Variants in PLA2G4E observed in about 807,000 individuals in gnomAD.
PLA2G4E encodes the protein cytosolic phospholipase A2 epsilon.
A neutral mutation model predicts 109.1 loss-of-function variants in PLA2G4E; 84 were observed. The observed-to-expected ratio is 0.77, with a 90% CI of 0.65 to 0.92. The LOEUF is 0.92. PLA2G4E is among the 40% of genes least tolerant of loss of function. PLA2G4E has a pLI of 0.00. For synonymous variants in PLA2G4E, 469 were observed against 436.1 expected, an observed-to-expected ratio of 1.08 and a Z score of -0.94; for missense variants, 1,057 against 1,076.6, an observed-to-expected ratio of 0.98 and a Z score of 0.25.
At chr15:42,000,482 TGCAGAC>T (rs1435921812) in intron 7 of PLA2G4E, among the ~76,000 whole-genome samples, 200 bp from the exon 8 acceptor site, 1 of 152,212 alleles carries the variant, frequency 6.6e-6, no homozygotes, top group Non-Finnish European at 1.5e-5. Context: ...TTTATGAGGA[TGCAGAC>T]AAACATAGTC....
chr15:42,042,664 C>G (rs1467599020), intron 1 of PLA2G4E, among the ~76,000 whole-genome samples: 2 of 152,070 alleles, frequency 1.3e-5, no homozygotes, highest in Admixed American at 6.5e-5. Flanking sequence ...GAGGTGGGGT[C>G]AGGCAAACCC....
In PLA2G4E at chr15:42,001,237, A is replaced by C. The variant is rs1426622461; in HGVS notation, c.610-17T>G. The C allele has an allele frequency of 6.2e-7, 1 of 1,605,402 alleles. No homozygotes were observed. The highest frequency in any genetic ancestry group is 1.7e-5 in the Admixed American group (1 of 59,988). ...TTGTCGAGACTGTAAAAAACAAAGG[A>C]GGGTCACAGAGTGTCTGAGCACCAG... On this transcript the variant is annotated splice_polypyrimidine_tract_variant and intron_variant, in intron 6 of 19. Coordinates refer to ENST00000399518, the Ensembl canonical transcript of PLA2G4E.
chr15:42,026,497 C>T (rs2068694014), intron 1 of PLA2G4E, among the ~76,000 whole-genome samples: 2 of 152,092 alleles, frequency 1.3e-5, no homozygotes, highest in South Asian at 2.1e-4. Context: ...GATTTTACTA[C>T]AGCTACTAAA....
At chr15:41,983,787 C>T in exon 20 of PLA2G4E, 2 of 1,603,838 alleles carry the variant, frequency 1.2e-6, no homozygotes, top group Non-Finnish European at 1.7e-6. Flanking sequence ...GGCGCTTCTT[C>T]TTCTCCACTG....
Position 41,993,948 on chromosome 15 carries a change from G to A in PLA2G4E, c.1248-989C>T, listed in dbSNP as rs149671454. Among the ~76,000 whole-genome samples the A allele has an allele frequency of 1.6e-4, 22 of 135,140 alleles. No homozygotes were observed. The East Asian group carries it at 5.4e-3, about 33-fold the overall frequency. 88.7% of individuals were successfully genotyped at this position (135,140 alleles called of 152,430 possible). A position where few individuals can be genotyped will look rare whatever the true frequency, so the allele number is the denominator to read the frequency against. ...CAGGGGACCCCACCCATCCCACCCC[G>A]GCTGGGCCTGAGTTCCTCCTGCTAT... On this transcript the variant is annotated intron_variant, in intron 12 of 19. Transcript: ENST00000399518.
rs548340553 is a variant in PLA2G4E, at chr15:41,997,568, C to T, written c.975-309G>A. ...GGACGCTTTGAGTCCTCTGTCTCCT[C>T]GGCCAGATCTGGAAAGTCCAGAAAG... is the stretch of plus-strand genomic sequence containing the variant. On this transcript the variant is annotated intron_variant, in intron 10 of 19. Transcript: ENST00000399518. 4.1e-5 allele frequency: 8 copies of T among 193,568 alleles called. No individual in the cohort carries two copies. In the South Asian group the frequency reaches 9.3e-4, roughly 22 times the overall value. The allele number at this position is 193,568 out of a possible 1,614,324, so 12.0% of individuals were successfully genotyped here.
At chr15:41,995,977 A>G (rs2068332734) in intron 11 of PLA2G4E, among the ~76,000 whole-genome samples, 1 of 152,188 alleles carries the variant, frequency 6.6e-6, no homozygotes, top group African/African-American at 2.4e-5. Flanking sequence ...CCAAGAGTCA[A>G]TGGACTGGTG....
At chr15:41,995,107 A>G (rs1316730320) in intron 12 of PLA2G4E, among the ~76,000 whole-genome samples, 1 of 152,272 alleles carries the variant, frequency 6.6e-6, no homozygotes, top group Non-Finnish European at 1.5e-5. Context: ...TGGCATACTT[A>G]GTAGCGGGAG....
chr15:42,025,216 G>A (rs1411577135), intron 1 of PLA2G4E, among the ~76,000 whole-genome samples: 3 of 148,114 alleles, frequency 2.0e-5, no homozygotes, highest in Non-Finnish European at 4.5e-5. Context: ...AAAAAAAAAA[G>A]GAAAAGAAAA....
At chr15:42,003,767 A>G (rs1056721584) in intron 5 of PLA2G4E, among the ~76,000 whole-genome samples, 10 of 152,230 alleles carry the variant, frequency 6.6e-5, no homozygotes, top group African/African-American at 2.4e-4. Context: ...CATCACAAGC[A>G]TAGGGGGCTC....
chr15:41,989,554 T>C lies in PLA2G4E; in HGVS notation c.1586-2A>G. On this transcript the variant is annotated splice_acceptor_variant, in intron 14 of 19. Transcript: ENST00000399518. LOFTEE classifies it high-confidence loss of function. The stretch of plus-strand genomic sequence containing the variant: ...CGTAGGGGGAGAACTCGAACCACTC[T>C]GCACATGAAGCAGCAGGACGGGGGT... The C allele has an allele frequency of 3.7e-6, 6 of 1,612,670 alleles. No individual in the cohort carries two copies. The African/African-American group carries it at 4.0e-5, about 11-fold the overall frequency.
At chr15:42,044,252 G>A (rs7175879) in intron 1 of PLA2G4E, among the ~76,000 whole-genome samples, 13,269 of 152,160 alleles carry the variant, frequency 0.087, 603 homozygotes, top group South Asian at 0.13. Context: ...GATTTGGGGA[G>A]ACGTCAGGGA....
intron 1 of PLA2G4E, among the ~76,000 whole-genome samples, chr15:42,018,769 C>T (rs1415149612): frequency 1.3e-5 from 2 of 152,128 alleles, no homozygotes; most frequent in Admixed American, 6.5e-5. Context: ...GACTCCACTG[C>T]CCCCTGGGGA....
exon 18 of PLA2G4E, chr15:41,985,932 G>C: frequency 6.2e-7 from 1 of 1,607,168 alleles, no homozygotes; most frequent in Non-Finnish European, 8.5e-7. Context: ...AGTTGACAAA[G>C]AACGCAGTGT....
intron 13 of PLA2G4E, among the ~76,000 whole-genome samples, chr15:41,990,740 C>CCTT (rs1555385375): frequency 0.06 from 2,677 of 44,634 alleles, 124 homozygotes; most frequent in African/African-American, 0.14. Context: ...CCTCCTCTTC[C>CCTT]CTTCTTTTTT....
At chr15:42,019,385 A>T (rs1228351212) in intron 1 of PLA2G4E, among the ~76,000 whole-genome samples, 1 of 152,228 alleles carries the variant, frequency 6.6e-6, no homozygotes, top group Non-Finnish European at 1.5e-5. Context: ...AGGGTCTGAC[A>T]ACCACATTTC....
At chr15:42,013,444 G>A (rs528361481) in intron 2 of PLA2G4E, among the ~76,000 whole-genome samples, 29 of 152,334 alleles carry the variant, frequency 1.9e-4, no homozygotes, top group African/African-American at 5.5e-4. Context: ...AGGTAGCGCC[G>A]AGGGAACAGC....
At chr15:42,017,446 A>C (rs2068606123) in intron 1 of PLA2G4E, among the ~76,000 whole-genome samples, 1 of 152,218 alleles carries the variant, frequency 6.6e-6, no homozygotes, top group African/African-American at 2.4e-5. Context: ...TGCCATGTAC[A>C]GGTTCTCTGT....
chr15:42,043,603 G>A (rs1225770453), intron 1 of PLA2G4E, among the ~76,000 whole-genome samples: 1 of 150,600 alleles, frequency 6.6e-6, no homozygotes, highest in African/African-American at 2.4e-5. Flanking sequence ...AACCAAAGAG[G>A]CCAGTGACAA....
Sources: gnomAD v4.1 joint callset for allele counts (sites outside exome capture counted in the v4.1 genomes callset) on GRCh38, gnomAD v4.1.1 for gene constraint, MANE v1.5 for transcripts, NCBI Gene and HGNC (gene_info 2026-07-23, HGNC 2026-07-21) for gene names.